Variants in HPSE2 observed in about 807,000 individuals in gnomAD.
HPSE2 encodes heparanase 2 (inactive).
Under a neutral mutation model 60.5 loss-of-function variants are expected in HPSE2, and 38 were observed. That is an observed-to-expected ratio of 0.63 (90% CI 0.48 to 0.82). HPSE2 has a LOEUF of 0.82. Ranked by LOEUF, HPSE2 falls within the 40% of genes least tolerant of loss-of-function variation. The pLI, the probability that HPSE2 is intolerant of heterozygous loss-of-function variation, is 0.00. For synonymous variants in HPSE2, 295 were observed against 293.2 expected, an observed-to-expected ratio of 1.01 and a Z score of -0.06; for missense variants, 713 against 740.4, an observed-to-expected ratio of 0.96 and a Z score of 0.43.
At chr10:99,236,359 G>A (rs74154368), upstream of HPSE2, among the ~76,000 whole-genome samples, 402 of 152,054 alleles carry the variant, frequency 2.6e-3, 3 homozygotes, top group African/African-American at 8.5e-3. Context: ...CTCCGACTCC[G>A]ACCCGAAAGC....
At chr10:98,940,797 C>A (rs988515313) in intron 3 of HPSE2, among the ~76,000 whole-genome samples, 2 of 141,736 alleles carry the variant, frequency 1.4e-5, no homozygotes, top group Non-Finnish European at 3.0e-5. Context: ...GAATTTTAAA[C>A]CAATATCCTT....
chr10:99,022,385 C>G (rs1957282485), intron 3 of HPSE2, among the ~76,000 whole-genome samples: 1 of 152,164 alleles, frequency 6.6e-6, no homozygotes, highest in African/African-American at 2.4e-5. Context: ...CTACAGCACT[C>G]TGTGTCTCCA....
the HPSE2 span, among the ~76,000 whole-genome samples, chr10:99,257,498 G>A: frequency 6.6e-6 from 1 of 152,152 alleles, no homozygotes; most frequent in Non-Finnish European, 1.5e-5. Flanking sequence ...ATAAGCCCCA[G>A]TCTCCGGTAG....
At chr10:99,055,690 T>C (rs529669708) in intron 3 of HPSE2, among the ~76,000 whole-genome samples, 92 of 152,242 alleles carry the variant, frequency 6.0e-4, no homozygotes, top group African/African-American at 1.4e-3. Context: ...AATCTCCTAG[T>C]AGTTACAAAT....
At chr10:98,792,489 C>A (rs1001316126) in intron 3 of HPSE2, among the ~76,000 whole-genome samples, 1 of 152,114 alleles carries the variant, frequency 6.6e-6, no homozygotes, top group Non-Finnish European at 1.5e-5. Flanking sequence ...GTGGCTAGAC[C>A]TCCATGGGGA....
intron 9 of HPSE2, among the ~76,000 whole-genome samples, chr10:98,580,675 C>T (rs968745329): frequency 6.6e-6 from 1 of 151,960 alleles, no homozygotes; most frequent in Non-Finnish European, 1.5e-5. Flanking sequence ...TCAACAGACA[C>T]TTTCCAGTAT....
chr10:98,578,368 T>A (rs1271551525), intron 9 of HPSE2, among the ~76,000 whole-genome samples: 1 of 139,680 alleles, frequency 7.2e-6, no homozygotes, highest in Non-Finnish European at 1.7e-5. Flanking sequence ...TTCAACCAAC[T>A]ATTTCCACAC....
chr10:99,151,385 C>A lies in HPSE2; in HGVS notation c.449-6986G>T, dbSNP rs149935288. On this transcript the variant is annotated intron_variant, in intron 2 of 11. Coordinates refer to ENST00000370552, the MANE Select transcript of HPSE2 (RefSeq NM_021828.5). ...ATGAAGCAATCAAACATATGCATAACGGGAGTCCTACAAGGAGAGGAAAAA... is the reference window on the plus strand; with the variant it reads ...ATGAAGCAATCAAACATATGCATAAAGGGAGTCCTACAAGGAGAGGAAAAA... Among the ~76,000 whole-genome samples, 266 of 152,052 alleles carry A rather than the reference C, an allele frequency of 1.7e-3. 2 individuals are homozygous for A. The highest frequency in any genetic ancestry group is 6.2e-3 in the African/African-American group (258 of 41,490).
intron 2 of HPSE2, among the ~76,000 whole-genome samples, chr10:99,145,822 GTCTTT>G (rs1192821285): frequency 2.6e-5 from 4 of 152,128 alleles, no homozygotes; most frequent in Non-Finnish European, 4.4e-5. Flanking sequence ...TGGAGAAGTA[GTCTTT>G]TCTTTCAGAT....
intron 3 of HPSE2, among the ~76,000 whole-genome samples, chr10:99,108,407 A>C (rs1025170428): frequency 6.6e-6 from 1 of 152,194 alleles, no homozygotes; most frequent in African/African-American, 2.4e-5. Flanking sequence ...TTTAGAAAAA[A>C]AAAAAAAATC....
intron 3 of HPSE2, among the ~76,000 whole-genome samples, chr10:98,925,975 A>C (rs915784148): frequency 2.6e-5 from 4 of 152,098 alleles, no homozygotes; most frequent in African/African-American, 9.7e-5. Flanking sequence ...GAGTCTTCTT[A>C]CATGTTTTTT....
chr10:99,111,829 T>C (rs1439965734), intron 3 of HPSE2, among the ~76,000 whole-genome samples: 1 of 152,222 alleles, frequency 6.6e-6, no homozygotes, highest in East Asian at 1.9e-4. Flanking sequence ...TGAAAAGCCC[T>C]TTAATTCCCC....
chr10:98,683,680 GTACTGTT>G, intron 6 of HPSE2, among the ~76,000 whole-genome samples: 1 of 152,010 alleles, frequency 6.6e-6, no homozygotes, highest in East Asian at 1.9e-4. Context: ...AAAAATTAGA[GTACTGTT>G]TGAGGAATTC....
intron 4 of HPSE2, among the ~76,000 whole-genome samples, chr10:98,723,918 C>T (rs1352964664): frequency 6.6e-6 from 1 of 152,138 alleles, no homozygotes; most frequent in Non-Finnish European, 1.5e-5. Flanking sequence ...AAAACCAGCT[C>T]CTGGATTCAC....
chr10:99,223,262 G>C (rs1052061322), intron 2 of HPSE2, among the ~76,000 whole-genome samples: 1 of 152,266 alleles, frequency 6.6e-6, no homozygotes, highest in Non-Finnish European at 1.5e-5. Context: ...AAGGATTAAT[G>C]TATTAATGCA....
chr10:99,175,264 G>A (rs1328251842), intron 2 of HPSE2, among the ~76,000 whole-genome samples: 3 of 152,086 alleles, frequency 2.0e-5, no homozygotes, highest in Non-Finnish European at 4.4e-5. Flanking sequence ...GACCACCAGC[G>A]AGACAAAACT....
At chr10:98,561,306 T>C (rs1439051441) in intron 9 of HPSE2, among the ~76,000 whole-genome samples, 1 of 152,066 alleles carries the variant, frequency 6.6e-6, no homozygotes, top group Admixed American at 6.6e-5. Flanking sequence ...AGGAAACTGA[T>C]GATCTTGTCC....
chr10:99,287,144 C>T, the HPSE2 span, among the ~76,000 whole-genome samples: 2 of 152,022 alleles, frequency 1.3e-5, no homozygotes, highest in African/African-American at 4.8e-5. Context: ...AGAGCTAATC[C>T]TGCAAATATC....
intron 2 of HPSE2, among the ~76,000 whole-genome samples, chr10:99,203,585 T>A (rs772747498): frequency 1.3e-5 from 2 of 151,236 alleles, no homozygotes; most frequent in Non-Finnish European, 2.9e-5. Context: ...TCCAGGCCCA[T>A]CCCAACAGAC....
Sources: allele counts gnomAD v4.1 joint callset (sites outside exome capture counted in the v4.1 genomes callset), GRCh38; gene constraint gnomAD v4.1.1; transcripts MANE v1.5; gene names NCBI Gene and HGNC (gene_info 2026-07-23, HGNC 2026-07-21).